The following IGF2BP3 variants were observed in gnomAD, a reference collection of about 807,000 sequenced individuals.
IGF2BP3 encodes insulin-like growth factor 2 mRNA-binding protein 3.
IGF2BP3 carries 9 observed loss-of-function variants against 73.8 expected under a neutral mutation model. The observed-to-expected ratio is 0.12, with a 90% CI of 0.07 to 0.21. IGF2BP3 has a LOEUF of 0.21. Ranked by LOEUF, IGF2BP3 falls within the 10% of genes least tolerant of loss-of-function variation. The pLI, the probability that IGF2BP3 is intolerant of heterozygous loss-of-function variation, is 1.00. For missense variants in IGF2BP3, 542 were observed against 714.0 expected (o/e 0.76, Z 2.75); for synonymous variants, 258 against 256.7 (o/e 1.01, Z -0.05).
intron 3 of IGF2BP3, among the ~76,000 whole-genome samples, chr7:23,362,231 G>A (rs1359538045): frequency 7.0e-6 from 1 of 143,578 alleles, no homozygotes; most frequent in African/African-American, 3.0e-5. Flanking sequence ...GGTCAACATA[G>A]TGAGACCCCC....
intron 2 of IGF2BP3, among the ~76,000 whole-genome samples, chr7:23,460,499 C>G (rs1562765058): frequency 6.6e-6 from 1 of 151,172 alleles, no homozygotes; most frequent in Admixed American, 6.6e-5. Context: ...CCACTGCACT[C>G]CAGCCTGGGT....
At chr7:23,441,285 T>C (rs1562755485) in intron 2 of IGF2BP3, among the ~76,000 whole-genome samples, 1 of 151,790 alleles carries the variant, frequency 6.6e-6, no homozygotes, top group Non-Finnish European at 1.5e-5. Context: ...TAAAGACACA[T>C]ATGTTAAGAC....
intron 2 of IGF2BP3, among the ~76,000 whole-genome samples, chr7:23,442,382 A>G (rs1276867300): frequency 6.6e-6 from 1 of 150,440 alleles, no homozygotes; most frequent in Non-Finnish European, 1.5e-5. Context: ...GGTCAATAAC[A>G]TAGAATAACA....
At chr7:23,428,222 A>C (rs1305411769) in intron 2 of IGF2BP3, among the ~76,000 whole-genome samples, 6 of 152,242 alleles carry the variant, frequency 3.9e-5, no homozygotes, top group African/African-American at 1.4e-4. Flanking sequence ...CTGTAATCCC[A>C]GCACTTTGGG....
At chr7:23,319,873 T>C (rs1168414120) in intron 10 of IGF2BP3, among the ~76,000 whole-genome samples, 1 of 152,176 alleles carries the variant, frequency 6.6e-6, no homozygotes, top group African/African-American at 2.4e-5. Flanking sequence ...CCTAAGATGC[T>C]TTCCCACAGA....
intron 3 of IGF2BP3, among the ~76,000 whole-genome samples, chr7:23,383,892 C>T (rs1409087902): frequency 1.3e-5 from 2 of 151,710 alleles, no homozygotes; most frequent in Non-Finnish European, 2.9e-5. Context: ...GTCAGGAGAT[C>T]GAGACCATCC....
At chr7:23,440,834 A>T (rs1365487029) in intron 2 of IGF2BP3, among the ~76,000 whole-genome samples, 1 of 152,214 alleles carries the variant, frequency 6.6e-6, no homozygotes, top group Admixed American at 6.5e-5. Flanking sequence ...TACATAAACA[A>T]ATTTAAGCCT....
chr7:23,377,346 T>A (rs996913759), intron 3 of IGF2BP3, among the ~76,000 whole-genome samples: 1 of 152,170 alleles, frequency 6.6e-6, no homozygotes, highest in Admixed American at 6.5e-5. Flanking sequence ...AAAGAAGATA[T>A]ACAGATGACT....
At chr7:23,441,574 TA>T (rs769391858) in intron 2 of IGF2BP3, among the ~76,000 whole-genome samples, 1,979 of 56,668 alleles carry the variant, frequency 0.035, 8 homozygotes, top group Non-Finnish European at 0.04. Context: ...CTCCATCTCT[TA>T]AAAAAAAAAA....
At chr7:23,391,068 G>A (rs910059441) in intron 3 of IGF2BP3, among the ~76,000 whole-genome samples, 3 of 150,098 alleles carry the variant, frequency 2.0e-5, no homozygotes, top group Admixed American at 6.6e-5. Flanking sequence ...CAAAGTGCTG[G>A]GATTACAGGC....
chr7:23,380,678 T>A (rs1446023840), intron 3 of IGF2BP3, among the ~76,000 whole-genome samples: 3 of 152,200 alleles, frequency 2.0e-5, no homozygotes, highest in African/African-American at 7.2e-5. Context: ...CCTTTAAAAA[T>A]TCACCAGTAC....
rs1251781280 is a variant in IGF2BP3 at position 23,469,450 on chromosome 7, TCTCA to T, written c.175+482_175+485del. ...CCTGTGCGAGGCACCAGCCTCGCGG[TCTCA>T]CTCGGCAGCACGGTCGAGGCCACTT... On this transcript the variant is annotated intron_variant, in intron 1 of 14. Transcript: ENST00000258729. This position sits in a 1 kb window ranked among gnomAD's most constrained non-coding sequence, Gnocchi z 6.1. 2 of 152,254 alleles carry T rather than the reference TCTCA, an allele frequency of 1.3e-5. No homozygotes were observed. The highest frequency in any genetic ancestry group is 1.5e-5 in the Non-Finnish European group (1 of 68,152). 9.4% of individuals were successfully genotyped at this position (152,254 alleles called of 1,614,324 possible). A position where few individuals can be genotyped will look rare whatever the true frequency, so the allele number is the denominator to read the frequency against.
intron 3 of IGF2BP3, among the ~76,000 whole-genome samples, chr7:23,400,499 A>G (rs911306876): frequency 1.3e-5 from 2 of 152,154 alleles, no homozygotes; most frequent in Non-Finnish European, 2.9e-5. Context: ...CACCAACATT[A>G]CAACCAAAAG....
At chr7:23,325,913 A>G (rs1784281264) in intron 10 of IGF2BP3, among the ~76,000 whole-genome samples, 1 of 152,220 alleles carries the variant, frequency 6.6e-6, no homozygotes, top group South Asian at 2.1e-4. Context: ...CTTACACCTT[A>G]TACAAAAATC....
chr7:23,442,490 C>T (rs547222327), intron 2 of IGF2BP3, among the ~76,000 whole-genome samples: 4 of 152,152 alleles, frequency 2.6e-5, no homozygotes, highest in African/African-American at 9.6e-5. Context: ...CACCGTCGCC[C>T]GGGTTCAAGC....
At chr7:23,355,228 T>A (rs1785064424) in intron 5 of IGF2BP3, among the ~76,000 whole-genome samples, 1 of 151,302 alleles carries the variant, frequency 6.6e-6, no homozygotes, top group South Asian at 2.1e-4. Flanking sequence ...TATTTTTATT[T>A]TTTTTTTTTT....
chr7:23,344,077 C>T (rs189371855), intron 8 of IGF2BP3, among the ~76,000 whole-genome samples: 4 of 152,236 alleles, frequency 2.6e-5, no homozygotes, highest in Non-Finnish European at 4.4e-5. Flanking sequence ...TCTCAACTAA[C>T]GATTACTGGA....
intron 3 of IGF2BP3, among the ~76,000 whole-genome samples, chr7:23,371,758 G>A (rs1161106296): frequency 1.3e-5 from 2 of 152,168 alleles, no homozygotes; most frequent in African/African-American, 4.8e-5. Flanking sequence ...CAACTTTCTA[G>A]CCACTTTCAA....
At chr7:23,339,416 G>A (rs1784653429) in intron 10 of IGF2BP3, among the ~76,000 whole-genome samples, 1 of 152,134 alleles carries the variant, frequency 6.6e-6, no homozygotes, top group African/African-American at 2.4e-5. Context: ...CTGATACACA[G>A]AACTATACCA....
Sources: allele counts gnomAD v4.1 joint callset (sites outside exome capture counted in the v4.1 genomes callset), GRCh38; gene constraint gnomAD v4.1.1; non-coding constraint Gnocchi (gnomAD v3.1); transcripts MANE v1.5; gene names NCBI Gene and HGNC (gene_info 2026-07-23, HGNC 2026-07-21).